Variants in LAMA3 observed in about 807,000 individuals in gnomAD.
The protein encoded by LAMA3 is laminin subunit alpha 3.
A neutral mutation model predicts 402.0 loss-of-function variants in LAMA3; 281 were observed. That is an observed-to-expected ratio of 0.70 (90% CI 0.63 to 0.77). The LOEUF (loss-of-function observed/expected upper bound fraction) is 0.77, where lower values mean the gene tolerates loss of function less well. Among genes scored for constraint, LAMA3 ranks in the 30% least tolerant of loss-of-function variants. The pLI, the probability that LAMA3 is intolerant of heterozygous loss-of-function variation, is 0.00. For synonymous variants in LAMA3, 1,431 were observed against 1,558.4 expected (o/e 0.92, Z 1.93); for missense variants, 3,840 against 4,215.5 (o/e 0.91, Z 2.47).
intron 11 of LAMA3, 63 bp downstream of exon 11, chr18:23,777,682 T>C (rs1438541413): frequency 8.1e-7 from 1 of 1,235,310 alleles, no homozygotes; most frequent in Non-Finnish European, 1.2e-6. Context: ...CTTTTCCTAC[T>C]TCCTGTGTGC....
intron 23 of LAMA3, among the ~76,000 whole-genome samples, chr18:23,829,778 C>T (rs576150185): frequency 6.6e-6 from 1 of 152,292 alleles, no homozygotes; most frequent in East Asian, 1.9e-4. Flanking sequence ...CCTCCCATCC[C>T]TCCACTTTTC....
chr18:23,906,516 A>T (rs2081254480), intron 52 of LAMA3, among the ~76,000 whole-genome samples: 1 of 152,148 alleles, frequency 6.6e-6, no homozygotes, highest in Non-Finnish European at 1.5e-5. Context: ...GTGTTTCTCC[A>T]GGCTCTTGTT....
chr18:23,900,145 A>G (rs1441299453), intron 47 of LAMA3, among the ~76,000 whole-genome samples: 1 of 152,000 alleles, frequency 6.6e-6, no homozygotes, highest in East Asian at 1.9e-4. Flanking sequence ...ATCTCAACTC[A>G]CTGCAACCTT....
Position 23,758,259 on chromosome 18 carries a change from G to T in LAMA3, c.948-137G>T, listed in dbSNP as rs75339796. On this transcript the variant is annotated intron_variant, in intron 6 of 74. Transcript: ENST00000313654. The stretch of plus-strand genomic sequence containing the variant: ...GAGGCTTAAATAATACTTGCGAAGT[G>T]TTGTGTTCTCCTAATTCCTCAATGA... 908 of 716,144 alleles carry T rather than the reference G, an allele frequency of 1.3e-3. 6 individuals are homozygous for T. In the African/African-American group the frequency reaches 0.013, roughly 11 times the overall value. The allele number at this position is 716,144 out of a possible 1,614,324, so 44.4% of individuals were successfully genotyped here.
Position 23,815,204 on chromosome 18 carries a change from G to A in LAMA3, c.1905G>A (p.Lys635=), listed in dbSNP as rs749779053. 8.1e-6 allele frequency: 13 copies of A among 1,614,088 alleles called. No individual in the cohort carries two copies. The highest frequency in any genetic ancestry group is 6.7e-5 in the Admixed American group (4 of 60,014). The part of the protein sequence containing the change: ...PSGCSECKCH[K]AGTVSGTGEC... ...TCTCCACAGAATGCAAGTGCCATAA[G>A]GCGGGAACAGTGAGTGGAACTGGAG... is the stretch of plus-strand genomic sequence containing the variant. The change falls in exon 16 of 75, where the codon AAG becomes AAA. Residue 635 remains lysine (K), a synonymous_variant. Coordinates refer to ENST00000313654, the MANE Select transcript of LAMA3 (RefSeq NM_198129.4).
intron 29 of LAMA3, 106 bp downstream of exon 29, chr18:23,842,856 A>C (rs558171453): frequency 1.4e-6 from 2 of 1,407,324 alleles, no homozygotes; most frequent in African/African-American, 2.8e-5. Context: ...AATTGAAGTC[A>C]TATTTGTAGA....
intron 63 of LAMA3, 121 bp downstream of exon 63, chr18:23,928,361 C>T (rs1411005617): frequency 6.6e-6 from 5 of 760,000 alleles, no homozygotes; most frequent in Non-Finnish European, 9.4e-6. Context: ...TGAACTGGCT[C>T]ATATACACTC....
intron 68 of LAMA3, among the ~76,000 whole-genome samples, chr18:23,940,283 A>C (rs753078056): frequency 2.6e-4 from 39 of 152,168 alleles, no homozygotes; most frequent in Non-Finnish European, 5.4e-4. Flanking sequence ...CACAGACTGT[A>C]ACACAGTCTC....
At chr18:23,731,031 T>G (rs527805077) in intron 2 of LAMA3, among the ~76,000 whole-genome samples, 1 of 152,140 alleles carries the variant, frequency 6.6e-6, no homozygotes, top group Non-Finnish European at 1.5e-5. Flanking sequence ...AAAGGCTGTC[T>G]GAAGACGGTG....
chr18:23,851,150 A>G (rs1470187707), intron 32 of LAMA3, among the ~76,000 whole-genome samples: 1 of 152,320 alleles, frequency 6.6e-6, no homozygotes. Context: ...AATTTCTTTG[A>G]TGCACTTCAT....
At chr18:23,722,262 T>C (rs2061227968) in intron 2 of LAMA3, among the ~76,000 whole-genome samples, 1 of 152,214 alleles carries the variant, frequency 6.6e-6, no homozygotes. Context: ...AACTCAAATA[T>C]TGCCTGCTGG....
At chr18:23,817,120 G>T (rs577844126) in intron 18 of LAMA3, among the ~76,000 whole-genome samples, 19 of 152,202 alleles carry the variant, frequency 1.2e-4, no homozygotes, top group Admixed American at 1.3e-4. Flanking sequence ...TGGGGAAGAA[G>T]TACTTTGTCT....
At position 23,816,571 on chromosome 18, in the gene LAMA3, A is replaced by G. The variant is rs899200573; in HGVS notation, c.2147+84A>G. The G allele has an allele frequency of 3.2e-5, 35 of 1,101,592 alleles. No homozygotes were observed. In the African/African-American group the frequency reaches 3.8e-4, roughly 12 times the overall value. The allele number at this position is 1,101,592 out of a possible 1,614,324, so 68.2% of individuals were successfully genotyped here. A position where few individuals can be genotyped will look rare whatever the true frequency, so the allele number is the denominator to read the frequency against. ...CCTGCCTGTGCTACAGCTCTGGAGA[A>G]GAGAGAAGCAGCCCTAAAGATCGAG... On this transcript the variant is annotated intron_variant, in intron 18 of 74. Transcript: ENST00000313654.
chr18:23,738,950 A>G (rs2061520520), intron 2 of LAMA3, among the ~76,000 whole-genome samples: 2 of 152,218 alleles, frequency 1.3e-5, no homozygotes, highest in Non-Finnish European at 2.9e-5. Flanking sequence ...TTCTGTTCCC[A>G]GCAAGATTCA....
At chr18:23,696,655 C>G (rs538216548) in intron 1 of LAMA3, among the ~76,000 whole-genome samples, 15 of 152,292 alleles carry the variant, frequency 9.8e-5, no homozygotes, top group Middle Eastern at 6.8e-3. Flanking sequence ...CATGTGTGAA[C>G]ACGCCCGGCT....
chr18:23,881,772 C>G (rs1382619088), intron 39 of LAMA3, among the ~76,000 whole-genome samples, 164 bp from the exon 40 acceptor site: 1 of 152,112 alleles, frequency 6.6e-6, no homozygotes, highest in Non-Finnish European at 1.5e-5. Flanking sequence ...TTTCTAACAC[C>G]AGCAATGATT....
intron 43 of LAMA3, 62 bp from the exon 44 acceptor site, chr18:23,894,845 G>T: frequency 6.2e-7 from 1 of 1,608,430 alleles, no homozygotes; most frequent in Admixed American, 1.7e-5. Flanking sequence ...AGCACTTGTG[G>T]TCTTTTCGCA....
intron 1 of LAMA3, among the ~76,000 whole-genome samples, chr18:23,699,138 C>G (rs112877916): frequency 1.3e-5 from 2 of 152,176 alleles, no homozygotes; most frequent in African/African-American, 2.4e-5. Flanking sequence ...AGCCTCACAA[C>G]GAGGTTGGGA....
At chr18:23,948,473 A>G (rs1394953217) in intron 70 of LAMA3, among the ~76,000 whole-genome samples, 1 of 152,192 alleles carries the variant, frequency 6.6e-6, no homozygotes, top group Non-Finnish European at 1.5e-5. Flanking sequence ...GTAGCATGAC[A>G]AATCTTAAGA....
Sources: gnomAD v4.1 joint callset for allele counts (sites outside exome capture counted in the v4.1 genomes callset) on GRCh38, gnomAD v4.1.1 for gene constraint, MANE v1.5 for transcripts, NCBI Gene and HGNC (gene_info 2026-07-23, HGNC 2026-07-21) for gene names.